FBXO34: variants seen among roughly 807,000 people sequenced by gnomAD.
FBXO34 encodes F-box protein 34.
A neutral mutation model predicts 24.5 loss-of-function variants in FBXO34; 12 were observed. The ratio of observed to expected loss-of-function variants is 0.49; its 90% confidence interval spans 0.31 to 0.79. The LOEUF (loss-of-function observed/expected upper bound fraction) is 0.79, where lower values mean the gene tolerates loss of function less well. Among genes scored for constraint, FBXO34 ranks in the 30% least tolerant of loss-of-function variants. The pLI is 0.04. For missense variants in FBXO34, 823 were observed against 857.7 expected, an observed-to-expected ratio of 0.96 and a Z score of 0.51; for synonymous variants, 320 against 311.9, an observed-to-expected ratio of 1.03 and a Z score of -0.27.
intron 1 of FBXO34, among the ~76,000 whole-genome samples, chr14:55,330,752 C>T (rs553600024): frequency 6.6e-6 from 1 of 152,300 alleles, no homozygotes; most frequent in South Asian, 2.1e-4. Context: ...GATCACGCCA[C>T]TGCACTCGGC....
chr14:55,372,192 C>G (rs753938009), downstream of FBXO34, among the ~76,000 whole-genome samples: 1 of 152,158 alleles, frequency 6.6e-6, no homozygotes, highest in Admixed American at 6.5e-5. Context: ...CCACCTCCCA[C>G]TCTGTCTGGG....
At chr14:55,329,990 G>A (rs1164917008) in intron 1 of FBXO34, among the ~76,000 whole-genome samples, 1 of 151,880 alleles carries the variant, frequency 6.6e-6, no homozygotes, top group Admixed American at 6.6e-5. Context: ...CCCAAATGAG[G>A]ACCTGTGGAG....
chr14:55,376,182 G>A, the FBXO34 span, among the ~76,000 whole-genome samples: 1 of 152,204 alleles, frequency 6.6e-6, no homozygotes, highest in Admixed American at 6.5e-5. Context: ...TGAGTTACTT[G>A]ACCATACTAA....
Position 55,352,003 on chromosome 14 carries a change from T to C in FBXO34, c.1613T>C (p.Val538Ala). ...CCATTTGTACTGCCAGCCTCTTCTG[T>C]GGAAAGTACATTACCAGTGCTTGAG... ...AEPFVLPASS[V>A]ESTLPVLEAS... The change falls in exon 2 of 2, where the codon GTG becomes GCG. Residue 538 changes from valine to alanine, a missense_variant. By Grantham distance (64) the Val-to-Ala change is moderately conservative. Coordinates refer to ENST00000313833, the MANE Select transcript of FBXO34 (RefSeq NM_017943.4). 1 of 1,614,160 alleles carries C rather than the reference T, an allele frequency of 6.2e-7. No individual in the cohort carries two copies. The highest frequency in any genetic ancestry group is 8.5e-7 in the Non-Finnish European group (1 of 1,180,034).
intron 1 of FBXO34, among the ~76,000 whole-genome samples, chr14:55,341,900 A>T (rs1051292969): frequency 3.3e-5 from 5 of 152,224 alleles, no homozygotes; most frequent in African/African-American, 1.2e-4. Context: ...TTAATAATTC[A>T]CAACAGCTTA....
At chr14:55,287,355 A>G (rs1881797131) in intron 1 of FBXO34, among the ~76,000 whole-genome samples, 1 of 152,236 alleles carries the variant, frequency 6.6e-6, no homozygotes. Context: ...GTTATTTAGC[A>G]TCACCATCAC....
chr14:55,416,870 G>C, the FBXO34 span, among the ~76,000 whole-genome samples: 1 of 152,144 alleles, frequency 6.6e-6, no homozygotes, highest in Non-Finnish European at 1.5e-5. Flanking sequence ...ACAGTGTCCA[G>C]GTCCAGTATT....
chr14:55,304,940 TATC>T (rs1882488244), intron 1 of FBXO34, among the ~76,000 whole-genome samples: 1 of 152,256 alleles, frequency 6.6e-6, no homozygotes, highest in African/African-American at 2.4e-5. Flanking sequence ...TGGTGAAAAT[TATC>T]ATAGTCTGTT....
chr14:55,327,907 GGTTTTTTTTTTTTTTTT>G, intron 1 of FBXO34, among the ~76,000 whole-genome samples: 1 of 73,876 alleles, frequency 1.4e-5, no homozygotes, highest in African/African-American at 5.2e-5. Flanking sequence ...TGTTGTTGTT[GGTTTTTTTTTTTTTTTT>G]TTTTTTTTTT....
chr14:55,351,657 C>A lies in FBXO34; in HGVS notation c.1267C>A (p.Gln423Lys). The change falls in exon 2 of 2, where the codon CAA (glutamine) becomes AAA (lysine). Residue 423 changes from glutamine to lysine, a missense_variant. Coordinates refer to ENST00000313833, the MANE Select transcript of FBXO34 (RefSeq NM_017943.4). The part of the protein sequence containing the change: ...GLPFSSHTYS[Q>K]ASELPTDAVD... Reference sequence around the variant, plus strand: ...ACCTTTTTCCTCTCATACCTATTCCCAAGCCTCTGAATTGCCCACAGATGC... The same window carrying A: ...ACCTTTTTCCTCTCATACCTATTCCAAAGCCTCTGAATTGCCCACAGATGC... The A allele has an allele frequency of 6.2e-7, 1 of 1,614,188 alleles. No individual in the cohort carries two copies. The highest frequency in any genetic ancestry group is 8.5e-7 in the Non-Finnish European group (1 of 1,180,032).
chr14:55,369,189 T>C (rs913446520), downstream of FBXO34: 1 of 154,480 alleles, frequency 6.5e-6, no homozygotes, highest in Admixed American at 6.5e-5. Context: ...CATGTCCTAA[T>C]AATCAAGAAT....
intron 1 of FBXO34, among the ~76,000 whole-genome samples, chr14:55,321,715 C>A (rs1883139883): frequency 6.6e-6 from 1 of 152,116 alleles, no homozygotes; most frequent in Admixed American, 6.5e-5. Context: ...GTGTTTCTGA[C>A]TGGTCCCAGT....
chr14:55,428,729 G>T, the FBXO34 span: 10 of 1,374,922 alleles, frequency 7.3e-6, no homozygotes, highest in African/African-American at 2.9e-5. Context: ...TTCTCTGAAA[G>T]ATACTTTACG....
At chr14:55,384,971 G>T in the FBXO34 span, among the ~76,000 whole-genome samples, 6 of 152,208 alleles carry the variant, frequency 3.9e-5, no homozygotes, top group African/African-American at 1.4e-4. Flanking sequence ...CCAGATGGGG[G>T]AACCACTGTC....
At chr14:55,382,268 T>C in the FBXO34 span, 2 of 1,324,836 alleles carry the variant, frequency 1.5e-6, no homozygotes, top group Admixed American at 1.9e-5. Context: ...CAAGACATGC[T>C]AGAACATCGA....
chr14:55,395,798 T>C, the FBXO34 span: 6 of 472,992 alleles, frequency 1.3e-5, no homozygotes, highest in East Asian at 3.6e-5. Flanking sequence ...GATGAAATAT[T>C]TGAGAAAGCC....
the FBXO34 span, among the ~76,000 whole-genome samples, chr14:55,379,572 T>C: frequency 1.3e-5 from 2 of 152,092 alleles, no homozygotes; most frequent in Admixed American, 1.3e-4. Flanking sequence ...AAACTTTTAA[T>C]TTTTTAAAAA....
the FBXO34 span, among the ~76,000 whole-genome samples, chr14:55,393,586 C>A: frequency 2.7e-5 from 4 of 149,764 alleles, no homozygotes; most frequent in Non-Finnish European, 5.9e-5. Flanking sequence ...CACTCTGTTG[C>A]CCAGGTTAGA....
intron 1 of FBXO34, among the ~76,000 whole-genome samples, chr14:55,346,081 AT>A (rs1884151056): frequency 6.6e-6 from 1 of 152,212 alleles, no homozygotes; most frequent in African/African-American, 2.4e-5. Context: ...AGTATAAAAA[AT>A]CTGATGCTAC....
Sources: allele counts gnomAD v4.1 joint callset (sites outside exome capture counted in the v4.1 genomes callset), GRCh38; gene constraint gnomAD v4.1.1; transcripts MANE v1.5; gene names NCBI Gene and HGNC (gene_info 2026-07-23, HGNC 2026-07-21).